The following PCDH9 variants were observed in gnomAD, a reference collection of about 807,000 sequenced individuals.
The protein encoded by PCDH9 is protocadherin 9, also known as protocadherin-9.
PCDH9 carries 24 observed loss-of-function variants against 70.6 expected under a neutral mutation model. The observed-to-expected ratio is 0.34, with a 90% CI of 0.25 to 0.48. PCDH9 has a LOEUF of 0.48. Among genes scored for constraint, PCDH9 ranks in the 20% least tolerant of loss-of-function variants. The probability of loss-of-function intolerance (pLI) is 0.99; values close to 1 mark genes in which losing one functional copy is unlikely to be tolerated. For synonymous variants in PCDH9, 562 were observed against 558.5 expected (o/e 1.01, Z -0.09); for missense variants, 1,281 against 1,503.6 (o/e 0.85, Z 2.45).
intron 2 of PCDH9, among the ~76,000 whole-genome samples, chr13:67,041,065 A>C (rs1157933833): frequency 6.6e-6 from 1 of 150,660 alleles, no homozygotes; most frequent in Non-Finnish European, 1.5e-5. Flanking sequence ...AAGAACATTA[A>C]AAAAAAAAGA....
chr13:66,927,926 G>A (rs1056178140), intron 2 of PCDH9, among the ~76,000 whole-genome samples: 1 of 152,014 alleles, frequency 6.6e-6, no homozygotes, highest in Non-Finnish European at 1.5e-5. Flanking sequence ...TTGTTAGCTG[G>A]AAAATAAGTA....
chr13:66,826,367 T>C (rs564067336), intron 3 of PCDH9, among the ~76,000 whole-genome samples: 2 of 152,198 alleles, frequency 1.3e-5, no homozygotes, highest in South Asian at 4.1e-4. Context: ...ATAAAGGCCA[T>C]GGATAAAGTT....
At chr13:66,518,152 T>C (rs1959827804) in intron 4 of PCDH9, among the ~76,000 whole-genome samples, 1 of 152,018 alleles carries the variant, frequency 6.6e-6, no homozygotes, top group Non-Finnish European at 1.5e-5. Flanking sequence ...AACAAGAACT[T>C]ACATGTCATA....
chr13:66,738,433 G>A lies in PCDH9; in HGVS notation c.3139-107022C>T, dbSNP rs373711052. 5.4e-4 allele frequency among the ~76,000 whole-genome samples: 82 copies of A among 151,120 alleles called. 1 individual carries two copies. The highest frequency in any genetic ancestry group is 1.9e-3 in the African/African-American group (78 of 41,274). ...AACTGGAAACTGTAAAACGCAGAGC[G>A]CCTCTCCTCCTCCAAAGGAACGCAG... On this transcript the variant is annotated intron_variant, in intron 3 of 4. Coordinates refer to ENST00000377865, the MANE Select transcript of PCDH9 (RefSeq NM_203487.3).
intron 3 of PCDH9, among the ~76,000 whole-genome samples, chr13:66,811,151 T>C (rs1055885391): frequency 6.6e-6 from 1 of 152,154 alleles, no homozygotes; most frequent in African/African-American, 2.4e-5. Flanking sequence ...AGTAAAAAAA[T>C]TGTTAAAACT....
intron 2 of PCDH9, among the ~76,000 whole-genome samples, chr13:66,930,602 G>C (rs939960186): frequency 2.0e-5 from 3 of 152,058 alleles, no homozygotes; most frequent in Non-Finnish European, 4.4e-5. Flanking sequence ...ATGAACAACT[G>C]TCCTGTTGCC....
intron 3 of PCDH9, among the ~76,000 whole-genome samples, chr13:66,793,559 A>T (rs2080194081): frequency 6.6e-6 from 1 of 152,124 alleles, no homozygotes; most frequent in Non-Finnish European, 1.5e-5. Context: ...AACATTTATG[A>T]CGTATTTATT....
At chr13:66,707,238 T>C (rs1225348809) in intron 3 of PCDH9, among the ~76,000 whole-genome samples, 2 of 152,170 alleles carry the variant, frequency 1.3e-5, no homozygotes, top group African/African-American at 4.8e-5. Context: ...TTAACATAGG[T>C]ACAGTAATTT....
At chr13:66,709,235 C>T (rs75058666) in intron 3 of PCDH9, among the ~76,000 whole-genome samples, 2,978 of 152,196 alleles carry the variant, frequency 0.02, 103 homozygotes, top group African/African-American at 0.068. Flanking sequence ...CTATGAAGGA[C>T]AGTAAGAGAC....
chr13:66,669,375 C>T (rs373276114), intron 3 of PCDH9, among the ~76,000 whole-genome samples: 1 of 152,122 alleles, frequency 6.6e-6, no homozygotes, highest in East Asian at 1.9e-4. Context: ...TGTTTTATGT[C>T]GGAATTGTCT....
intron 2 of PCDH9, among the ~76,000 whole-genome samples, chr13:67,114,809 A>G (rs1489797209): frequency 6.6e-6 from 1 of 152,216 alleles, no homozygotes; most frequent in Non-Finnish European, 1.5e-5. Context: ...ATTTGGTGCT[A>G]GATAAAAACA....
At chr13:66,893,434 C>A (rs1013259572) in intron 3 of PCDH9, among the ~76,000 whole-genome samples, 1 of 152,086 alleles carries the variant, frequency 6.6e-6, no homozygotes, top group Admixed American at 6.6e-5. Flanking sequence ...CCAACACAGC[C>A]CTTTATCTGC....
intron 3 of PCDH9, among the ~76,000 whole-genome samples, chr13:66,835,406 G>A (rs2081000579): frequency 6.6e-6 from 1 of 152,116 alleles, no homozygotes; most frequent in Non-Finnish European, 1.5e-5. Context: ...CCCCAGGAAG[G>A]GAATATAAAA....
chr13:66,534,355 TC>T (rs1960597182), intron 4 of PCDH9, among the ~76,000 whole-genome samples: 1 of 152,142 alleles, frequency 6.6e-6, no homozygotes, highest in Non-Finnish European at 1.5e-5. Flanking sequence ...TTCTCACAGT[TC>T]TGAAGGCTGA....
At chr13:67,158,154 T>C (rs906459099) in intron 2 of PCDH9, among the ~76,000 whole-genome samples, 5 of 152,194 alleles carry the variant, frequency 3.3e-5, no homozygotes, top group African/African-American at 1.2e-4. Context: ...CTAATATTCC[T>C]GAGAGATATT....
chr13:66,730,897 T>TTTTTTTTTTTTTTTTGTTTTG (rs1555262885), intron 3 of PCDH9, among the ~76,000 whole-genome samples: 1 of 129,132 alleles, frequency 7.7e-6, no homozygotes, highest in Non-Finnish European at 1.6e-5. Flanking sequence ...GTTTGTTTCT[T>TTTTTTTTTTTTTTTTGTTTTG]TTTTTTTGTG....
At chr13:66,608,279 T>C (rs1226324189) in intron 4 of PCDH9, among the ~76,000 whole-genome samples, 1 of 152,078 alleles carries the variant, frequency 6.6e-6, no homozygotes, top group Non-Finnish European at 1.5e-5. Flanking sequence ...ATACTTTCAA[T>C]TTATTGTGTA....
intron 2 of PCDH9, among the ~76,000 whole-genome samples, chr13:67,146,858 G>A (rs9529192): frequency 0.23 from 34,216 of 152,000 alleles, 4,717 homozygotes; most frequent in Non-Finnish European, 0.3. Context: ...GAACATTTTC[G>A]TAAAGTAAAT....
chr13:67,139,003 C>T (rs1033221927), intron 2 of PCDH9, among the ~76,000 whole-genome samples: 2 of 152,094 alleles, frequency 1.3e-5, no homozygotes, highest in Non-Finnish European at 2.9e-5. Context: ...TAGTAAGGAT[C>T]CAGAGCAGTA....
Sources: allele counts gnomAD v4.1 joint callset (sites outside exome capture counted in the v4.1 genomes callset), GRCh38; gene constraint gnomAD v4.1.1; transcripts MANE v1.5; gene names NCBI Gene and HGNC (gene_info 2026-07-23, HGNC 2026-07-21).